The following CTNNA3 variants were observed in gnomAD, a reference collection of about 807,000 sequenced individuals.
CTNNA3 encodes catenin alpha 3, also known as catenin alpha-3.
Under a neutral mutation model 95.7 loss-of-function variants are expected in CTNNA3, and 76 were observed. The ratio of observed to expected loss-of-function variants is 0.79; its 90% CI spans 0.66 to 0.96. CTNNA3 has a LOEUF of 0.96. CTNNA3 is among the 40% of genes least tolerant of loss of function. The probability of loss-of-function intolerance (pLI) is 0.00; values close to 1 mark genes in which losing one functional copy is unlikely to be tolerated. For missense variants in CTNNA3, 1,191 were observed against 1,089.8 expected (o/e 1.09, Z -1.31); for synonymous variants, 431 against 374.4 (o/e 1.15, Z -1.74).
At position 66,457,640 on chromosome 10, in the gene CTNNA3, TA is replaced by T. The variant is rs1425381374; in HGVS notation, c.1531+62976del. Among the ~76,000 whole-genome samples the T allele has an allele frequency of 1.9e-3, 240 of 123,272 alleles. 19 individuals carry two copies. The highest frequency in any genetic ancestry group is 8.0e-3 in the African/African-American group (216 of 26,914). The allele number at this position is 123,272 out of a possible 152,430, so 80.9% of individuals were successfully genotyped here. A position where few individuals can be genotyped will look rare whatever the true frequency, so the allele number is the denominator to read the frequency against. ...TCAAAGCCTGACACATTTGACTGGT[TA>T]AAAAAAAAAGTTTATGTTATATTTA... On this transcript the variant is annotated intron_variant, in intron 11 of 17. Transcript: ENST00000433211.
chr10:66,900,997 G>A (rs1162068934), intron 7 of CTNNA3, among the ~76,000 whole-genome samples: 1 of 152,130 alleles, frequency 6.6e-6, no homozygotes, highest in Non-Finnish European at 1.5e-5. Context: ...AGCAAAGCAG[G>A]CCAACATTCA....
intron 13 of CTNNA3, among the ~76,000 whole-genome samples, chr10:66,150,571 G>A (rs1372144285): frequency 1.3e-5 from 2 of 151,482 alleles, no homozygotes; most frequent in Non-Finnish European, 2.9e-5. Flanking sequence ...ACCAGCATAC[G>A]ATGTGTAATG....
chr10:66,404,330 T>C (rs969358023), intron 11 of CTNNA3, among the ~76,000 whole-genome samples: 1 of 152,168 alleles, frequency 6.6e-6, no homozygotes, highest in Admixed American at 6.6e-5. Context: ...TTCTCTTACA[T>C]GGGCCAGCTT....
At chr10:67,097,854 G>A (rs1259286114) in intron 7 of CTNNA3, 3 of 1,485,946 alleles carry the variant, frequency 2.0e-6, no homozygotes, top group African/African-American at 2.8e-5. Context: ...AGGACAAAAT[G>A]AGGAAGATGT....
chr10:66,496,312 T>C (rs965721518), intron 11 of CTNNA3, among the ~76,000 whole-genome samples: 1 of 149,980 alleles, frequency 6.7e-6, no homozygotes, highest in African/African-American at 2.5e-5. Flanking sequence ...GACTGAACTA[T>C]TGGGTACACA....
intron 7 of CTNNA3, among the ~76,000 whole-genome samples, chr10:66,977,201 G>C (rs930675864): frequency 6.6e-6 from 1 of 152,114 alleles, no homozygotes; most frequent in African/African-American, 2.4e-5. Flanking sequence ...CACTTTGGGA[G>C]GCCGAGGCAG....
intron 10 of CTNNA3, among the ~76,000 whole-genome samples, chr10:66,556,039 A>G (rs2132121091): frequency 6.6e-6 from 1 of 152,220 alleles, no homozygotes; most frequent in African/African-American, 2.4e-5. Flanking sequence ...AACAAACAAA[A>G]GCAAAAGCAT....
At chr10:66,097,295 C>G (rs2081433079) in intron 14 of CTNNA3, among the ~76,000 whole-genome samples, 1 of 152,012 alleles carries the variant, frequency 6.6e-6, no homozygotes, top group South Asian at 2.1e-4. Flanking sequence ...TTACAAAGCT[C>G]CCTGAGCTAC....
chr10:67,256,868 A>G (rs16924295), intron 5 of CTNNA3, among the ~76,000 whole-genome samples: 5,074 of 152,288 alleles, frequency 0.033, 193 homozygotes, highest in South Asian at 0.18. Context: ...TTTTTTAGTG[A>G]AATTTTTAGA....
intron 5 of CTNNA3, among the ~76,000 whole-genome samples, chr10:67,269,951 A>G (rs970363788): frequency 6.6e-6 from 1 of 152,118 alleles, no homozygotes; most frequent in Non-Finnish European, 1.5e-5. Context: ...AGGGAAAAAA[A>G]TATCTTATGC....
chr10:67,187,383 A>AT (rs1482165174), intron 6 of CTNNA3, among the ~76,000 whole-genome samples: 1 of 152,120 alleles, frequency 6.6e-6, no homozygotes. Flanking sequence ...TACCAAATCC[A>AT]TACACTTTCT....
Position 67,533,380 on chromosome 10 carries a change from G to A in CTNNA3, c.459+6123C>T, listed in dbSNP as rs1020172315. Among the ~76,000 whole-genome samples the A allele has an allele frequency of 4.0e-5, 6 of 150,512 alleles. No individual in the cohort carries two copies. The South Asian group carries it at 1.3e-3, about 32-fold the overall frequency. On this transcript the variant is annotated intron_variant, in intron 4 of 17. Coordinates refer to ENST00000433211, the MANE Select transcript of CTNNA3 (RefSeq NM_013266.4). ...AAAACAAGATGTGGAATCCTAAGAA[G>A]AACAAATAGTACAGAAAAGTCTGAA...
At chr10:67,593,892 C>T (rs1052887115) in intron 3 of CTNNA3, among the ~76,000 whole-genome samples, 1 of 152,054 alleles carries the variant, frequency 6.6e-6, no homozygotes, top group Non-Finnish European at 1.5e-5. Context: ...TTGACTGTGA[C>T]TTTGTCATAG....
At chr10:66,502,184 T>C (rs1027607628) in intron 11 of CTNNA3, among the ~76,000 whole-genome samples, 7 of 152,088 alleles carry the variant, frequency 4.6e-5, no homozygotes, top group Non-Finnish European at 1.0e-4. Context: ...ACAAAGCATT[T>C]TTTAAACTGT....
intron 11 of CTNNA3, among the ~76,000 whole-genome samples, chr10:66,423,764 G>C (rs1210935693): frequency 6.6e-6 from 1 of 152,202 alleles, no homozygotes; most frequent in Non-Finnish European, 1.5e-5. Context: ...CTGTAAGAGA[G>C]AATGCTCCTC....
At chr10:67,011,147 G>A (rs955838126) in intron 7 of CTNNA3, among the ~76,000 whole-genome samples, 3 of 152,018 alleles carry the variant, frequency 2.0e-5, no homozygotes, top group Non-Finnish European at 4.4e-5. Context: ...GGCTAACACG[G>A]TGAAACCCCG....
At chr10:67,066,481 G>A (rs1273160705) in intron 7 of CTNNA3, among the ~76,000 whole-genome samples, 4 of 147,466 alleles carry the variant, frequency 2.7e-5, no homozygotes, top group Admixed American at 1.4e-4. Flanking sequence ...GTGAACCACC[G>A]CACCTGGCCA....
At chr10:66,550,155 T>G (rs935036511) in intron 10 of CTNNA3, among the ~76,000 whole-genome samples, 1 of 152,172 alleles carries the variant, frequency 6.6e-6, no homozygotes, top group Non-Finnish European at 1.5e-5. Context: ...TATGTCTTCC[T>G]GATGAATGCC....
At chr10:66,473,025 T>A (rs1240699390) in intron 11 of CTNNA3, among the ~76,000 whole-genome samples, 1 of 152,054 alleles carries the variant, frequency 6.6e-6, no homozygotes, top group Non-Finnish European at 1.5e-5. Context: ...TGGTATTTAT[T>A]TATTTAATTA....
Sources: allele counts gnomAD v4.1 joint callset (sites outside exome capture counted in the v4.1 genomes callset), GRCh38; gene constraint gnomAD v4.1.1; transcripts MANE v1.5; gene names NCBI Gene and HGNC (gene_info 2026-07-23, HGNC 2026-07-21).